SLC71A1: variants seen among roughly 807,000 people sequenced by gnomAD.
The protein encoded by SLC71A1 is hippocampus abundant gene transcript 1.
At chr1:100,053,828 A>C in the SLC71A1 span, among the ~76,000 whole-genome samples, 1 of 152,342 alleles carries the variant, frequency 6.6e-6, no homozygotes, top group South Asian at 2.1e-4. Flanking sequence ...TTTAGCTAAA[A>C]AGAAGGATTT....
chr1:100,069,155 G>A, the SLC71A1 span, among the ~76,000 whole-genome samples: 24 of 152,252 alleles, frequency 1.6e-4, no homozygotes, highest in African/African-American at 5.8e-4. Context: ...TAGGTGGTTT[G>A]AGTTTGTTGG....
the SLC71A1 span, among the ~76,000 whole-genome samples, chr1:100,072,874 C>G: frequency 6.6e-5 from 10 of 152,096 alleles, no homozygotes; most frequent in African/African-American, 1.9e-4. Context: ...TCTTTTTTCT[C>G]AGTGTTTTCC....
chr1:100,076,959 C>G, the SLC71A1 span, among the ~76,000 whole-genome samples: 3 of 152,144 alleles, frequency 2.0e-5, no homozygotes, highest in African/African-American at 7.2e-5. Context: ...TTTCAGTTTT[C>G]TAACTCTCAG....
At chr1:100,046,037 A>G in the SLC71A1 span, among the ~76,000 whole-genome samples, 5 of 152,064 alleles carry the variant, frequency 3.3e-5, no homozygotes, top group African/African-American at 1.2e-4. Context: ...TTCCCAATGT[A>G]TACTTCGGTG....
At chr1:100,065,541 G>A in the SLC71A1 span, among the ~76,000 whole-genome samples, 2 of 115,892 alleles carry the variant, frequency 1.7e-5, no homozygotes, top group Non-Finnish European at 3.3e-5. Flanking sequence ...TTTCCTTTTC[G>A]CTTTCACCTT....
chr1:100,068,901 T>G, the SLC71A1 span, among the ~76,000 whole-genome samples: 5 of 152,228 alleles, frequency 3.3e-5, no homozygotes, highest in East Asian at 9.6e-4. Flanking sequence ...GAGAATCACT[T>G]GAACCCAGGA....
At chr1:100,044,870 T>A in the SLC71A1 span, among the ~76,000 whole-genome samples, 4 of 152,230 alleles carry the variant, frequency 2.6e-5, no homozygotes, top group African/African-American at 9.6e-5. Flanking sequence ...TTCATGCCTA[T>A]TTTTATACCA....
chr1:100,082,370 A>G, the SLC71A1 span: 2 of 607,318 alleles, frequency 3.3e-6, no homozygotes, highest in African/African-American at 3.7e-5. Context: ...GGAACTTAGA[A>G]CCAGACAGTT....
chr1:100,045,322 G>A, the SLC71A1 span, among the ~76,000 whole-genome samples: 9 of 152,090 alleles, frequency 5.9e-5, no homozygotes, highest in Non-Finnish European at 1.3e-4. Context: ...ATATAGCAGT[G>A]CTATTGATTT....
At chr1:100,043,061 T>G in the SLC71A1 span, 2 of 978,372 alleles carry the variant, frequency 2.0e-6, no homozygotes, top group African/African-American at 1.8e-5. Context: ...TAATATGCAG[T>G]TTTTTTTTCA....
chr1:100,059,975 C>T, the SLC71A1 span: 2 of 1,612,142 alleles, frequency 1.2e-6, no homozygotes, highest in Admixed American at 1.7e-5. Flanking sequence ...TTCACATGTG[C>T]CCCAATTCCT....
At chr1:100,059,340 AG>A in the SLC71A1 span, among the ~76,000 whole-genome samples, 1 of 150,888 alleles carries the variant, frequency 6.6e-6, no homozygotes, top group African/African-American at 2.4e-5. Context: ...TTGTATTTTT[AG>A]TAGAGACAGG....
At chr1:100,062,433 C>T in the SLC71A1 span, among the ~76,000 whole-genome samples, 1 of 152,194 alleles carries the variant, frequency 6.6e-6, no homozygotes, top group East Asian at 1.9e-4. Flanking sequence ...AAGAAACAGC[C>T]AGATTTGAGC....
chr1:100,078,248 C>T, the SLC71A1 span, among the ~76,000 whole-genome samples: 11 of 152,344 alleles, frequency 7.2e-5, no homozygotes, highest in South Asian at 2.1e-3. Flanking sequence ...ATTACACCCT[C>T]ACAGCACTCT....
chr1:100,066,566 T>A, the SLC71A1 span, among the ~76,000 whole-genome samples: 1 of 152,204 alleles, frequency 6.6e-6, no homozygotes, highest in African/African-American at 2.4e-5. Context: ...CCAAGACCGT[T>A]CTTCCAGCGT....
At chr1:100,065,496 C>T in the SLC71A1 span, among the ~76,000 whole-genome samples, 1 of 144,776 alleles carries the variant, frequency 6.9e-6, no homozygotes, top group Non-Finnish European at 1.5e-5. Flanking sequence ...CCCTCCCCTC[C>T]CCTCCCCTTT....
chr1:100,080,384 G>A, the SLC71A1 span: 3 of 812,210 alleles, frequency 3.7e-6, no homozygotes, highest in African/African-American at 5.2e-5. Context: ...AATTGCTAGT[G>A]TCTGATAAGA....
At chr1:100,038,746 C>G in the SLC71A1 span, among the ~76,000 whole-genome samples, 1 of 152,268 alleles carries the variant, frequency 6.6e-6, no homozygotes. Context: ...CATCCCTGCT[C>G]TCCCATATGT....
At chr1:100,057,783 G>A in the SLC71A1 span, among the ~76,000 whole-genome samples, 1 of 152,176 alleles carries the variant, frequency 6.6e-6, no homozygotes, top group Non-Finnish European at 1.5e-5. Flanking sequence ...ATGTCAGAAA[G>A]TATATTTAGC....
Sources: gnomAD v4.1 joint callset for allele counts (sites outside exome capture counted in the v4.1 genomes callset) on GRCh38, gnomAD v4.1.1 for gene constraint, MANE v1.5 for transcripts, NCBI Gene and HGNC (gene_info 2026-07-23, HGNC 2026-07-21) for gene names.